CEP70: variants seen among roughly 807,000 people sequenced by gnomAD.
CEP70 encodes centrosomal protein 70.
A neutral mutation model predicts 90.9 loss-of-function variants in CEP70; 70 were observed. The ratio of observed to expected loss-of-function variants is 0.77; its 90% CI spans 0.64 to 0.94. The LOEUF is 0.94. CEP70 is among the 40% of genes least tolerant of loss of function. The pLI is 0.00. For missense variants in CEP70, 648 were observed against 669.0 expected (o/e 0.97, Z 0.35); for synonymous variants, 220 against 228.3 (o/e 0.96, Z 0.33).
At chr3:138,506,552 T>C (rs1444721998) in intron 12 of CEP70, among the ~76,000 whole-genome samples, 1 of 152,168 alleles carries the variant, frequency 6.6e-6, no homozygotes, top group Non-Finnish European at 1.5e-5. Flanking sequence ...GCCTATTTAA[T>C]AAAAAGTTTC....
At chr3:138,529,148 GAGTGAGACCCTGTCTCAGGAAAAAAA>G (rs773626793) in intron 10 of CEP70, 25 bp downstream of exon 10, 27 of 1,123,708 alleles carry the variant, frequency 2.4e-5, no homozygotes, top group Admixed American at 4.2e-5. Context: ...CTGAGTGACA[GAGTGAGACCCTGTCTCAGGAAAAAAA>G]AAAAAAAAAT....
chr3:138,556,527 C>CAAA (rs57583939), intron 6 of CEP70, among the ~76,000 whole-genome samples: 50 of 69,570 alleles, frequency 7.2e-4, no homozygotes, highest in Non-Finnish European at 1.0e-3. Context: ...GACTCTGTCT[C>CAAA]AAAAAAAAAA....
intron 6 of CEP70, among the ~76,000 whole-genome samples, chr3:138,556,667 G>T (rs1240149092): frequency 6.6e-6 from 1 of 152,078 alleles, no homozygotes; most frequent in African/African-American, 2.4e-5. Context: ...TTTTAAAGCT[G>T]GGCGTCCGGG....
At chr3:138,519,221 G>A (rs1455612095) in intron 11 of CEP70, among the ~76,000 whole-genome samples, 1 of 151,104 alleles carries the variant, frequency 6.6e-6, no homozygotes. Context: ...GTACCTGAAA[G>A]TGACGGGGAG....
At chr3:138,505,154 TA>T in intron 13 of CEP70, 140 bp downstream of exon 13, 1 of 543,070 alleles carries the variant, frequency 1.8e-6, no homozygotes, top group Non-Finnish European at 2.9e-6. Context: ...TTTTAGATAA[TA>T]AGCTTTTTTA....
At chr3:138,533,782 T>G (rs551969693) in intron 7 of CEP70, among the ~76,000 whole-genome samples, 31 of 152,092 alleles carry the variant, frequency 2.0e-4, no homozygotes, top group African/African-American at 7.2e-4. Flanking sequence ...TATTTTTTGT[T>G]TTTTTTTGTT....
Position 138,570,391 on chromosome 3 carries a change from T to A in CEP70, c.392A>T (p.Asp131Val), listed in dbSNP as rs755133673. 1 of 1,608,814 alleles carries A rather than the reference T, an allele frequency of 6.2e-7. No homozygotes were observed. The highest frequency in any genetic ancestry group is 1.7e-5 in the Admixed American group (1 of 58,820). ...GTGGCAAGCCCTACTTAGTGATTCA[T>A]CCTCCAATTCACCAATTTTGGATTT... is the stretch of plus-strand genomic sequence containing the variant. ...SVKSKIGELE[D>V]ESLSRACHQQ... Residue 131 changes from aspartate to valine, a missense_variant, in exon 6 of 18, where the codon GAT (aspartate) becomes GTT (valine). Transcript: ENST00000264982.
rs7620030 is a variant in CEP70, at chr3:138,581,395, A to G, written c.-5-8463T>C. Among the ~76,000 whole-genome samples, 860 of 152,046 alleles carry G rather than the reference A, an allele frequency of 5.7e-3. 7 individuals carry two copies. The highest frequency in any genetic ancestry group is 0.02 in the African/African-American group (828 of 41,472). On this transcript the variant is annotated intron_variant, in intron 2 of 17. Coordinates refer to ENST00000264982, the MANE Select transcript of CEP70 (RefSeq NM_024491.4). The stretch of plus-strand genomic sequence containing the variant: ...TTATTGGCCTTAAAGAGGAAGTAGA[A>G]AGAGATAGGGGTAGAAAGTTTATTC...
intron 12 of CEP70, among the ~76,000 whole-genome samples, chr3:138,507,302 A>C (rs1043437172): frequency 6.6e-6 from 1 of 152,226 alleles, no homozygotes; most frequent in East Asian, 1.9e-4. Flanking sequence ...ATGAAAGTAC[A>C]TATTTCTGAA....
intron 10 of CEP70, among the ~76,000 whole-genome samples, chr3:138,526,741 G>A (rs2037292162): frequency 6.6e-6 from 1 of 152,158 alleles, no homozygotes; most frequent in African/African-American, 2.4e-5. Flanking sequence ...ATTTGAGAAT[G>A]AGAACTCCGC....
chr3:138,497,594 A>G (rs190943277), intron 17 of CEP70: 47 of 955,940 alleles, frequency 4.9e-5, no homozygotes, highest in Non-Finnish European at 5.9e-5. Context: ...CTTTCCACAG[A>G]TATTTATGAC....
rs182838613 is a variant in CEP70 at position 138,556,348 on chromosome 3, T to G, written c.465+13970A>C. On this transcript the variant is annotated intron_variant, in intron 6 of 17. Transcript: ENST00000264982. ...ATCAAGACCATCCTGGCCAATATGG[T>G]GAAACCCCATCTCTACTAAAAATAC... 1.1e-4 allele frequency among the ~76,000 whole-genome samples: 16 copies of G among 151,824 alleles called. No homozygotes were observed. In the East Asian group the frequency reaches 1.4e-3, roughly 13 times the overall value.
At chr3:138,581,694 CAAAAAAAAA>C (rs35064874) in intron 2 of CEP70, among the ~76,000 whole-genome samples, 7 of 79,330 alleles carry the variant, frequency 8.8e-5, no homozygotes, top group East Asian at 7.9e-4. Flanking sequence ...AAACTTGTCT[CAAAAAAAAA>C]AAAAAAAAAA....
chr3:138,587,141 TA>T (rs1323968253), intron 2 of CEP70, among the ~76,000 whole-genome samples: 1 of 151,756 alleles, frequency 6.6e-6, no homozygotes, highest in African/African-American at 2.4e-5. Context: ...TAATTAGAAA[TA>T]AAACTTGGAA....
At chr3:138,553,900 A>G (rs1018668785) in intron 6 of CEP70, among the ~76,000 whole-genome samples, 19 of 152,168 alleles carry the variant, frequency 1.2e-4, no homozygotes, top group African/African-American at 4.6e-4. Context: ...CAGAAAAAGC[A>G]TTTAACAAAA....
chr3:138,553,873 G>T (rs1318249085), intron 6 of CEP70, among the ~76,000 whole-genome samples: 6 of 152,092 alleles, frequency 3.9e-5, no homozygotes, highest in Non-Finnish European at 8.8e-5. Context: ...AAAATCACAT[G>T]ATCATCTCGA....
chr3:138,530,786 C>T (rs1291004988), intron 8 of CEP70: 1 of 985,250 alleles, frequency 1.0e-6, no homozygotes, highest in Non-Finnish European at 1.2e-6. Flanking sequence ...AGTACTCCTA[C>T]TTCTTTAGAT....
chr3:138,567,218 A>G (rs1297664761), intron 6 of CEP70, among the ~76,000 whole-genome samples: 1 of 152,210 alleles, frequency 6.6e-6, no homozygotes, highest in Non-Finnish European at 1.5e-5. Context: ...TTGCATATAC[A>G]TACAAAACCA....
Position 138,571,303 on chromosome 3 carries a change from T to C in CEP70, c.123A>G (p.Leu41=). The C allele has an allele frequency of 6.2e-7, 1 of 1,611,872 alleles. No individual in the cohort carries two copies. Among genetic ancestry groups the C allele is most frequent in the Non-Finnish European group, 8.5e-7 (1 of 1,178,874 alleles). The change falls in exon 4 of 18, where the codon TTA becomes TTG. Residue 41 remains leucine, a synonymous_variant. Coordinates refer to ENST00000264982, the MANE Select transcript of CEP70 (RefSeq NM_024491.4). ...TTCTTTTGACTAGAGACAAAGGTTTTAAGCCATGCATCATCAATAGCACAT... is the reference window on the plus strand; with the variant it reads ...TTCTTTTGACTAGAGACAAAGGTTTCAAGCCATGCATCATCAATAGCACAT... ...SINVLLMMHG[L]KPLSLVKRTD... is the part of the protein sequence containing the mutation.
Sources: allele counts gnomAD v4.1 joint callset (sites outside exome capture counted in the v4.1 genomes callset), GRCh38; gene constraint gnomAD v4.1.1; transcripts MANE v1.5; gene names NCBI Gene and HGNC (gene_info 2026-07-23, HGNC 2026-07-21).